Variants in NEGR1 observed in about 807,000 individuals in gnomAD.
NEGR1 encodes IgLON family member 4.
Under a neutral mutation model 40.9 loss-of-function variants are expected in NEGR1, and 10 were observed. The observed-to-expected ratio is 0.24, with a 90% CI of 0.15 to 0.42. The LOEUF is 0.42. Ranked by LOEUF, NEGR1 falls within the 10% of genes least tolerant of loss-of-function variation. NEGR1 has a pLI of 1.00. For synonymous variants in NEGR1, 185 were observed against 166.8 expected (o/e 1.11, Z -0.84); for missense variants, 352 against 438.9 (o/e 0.80, Z 1.77).
intron 1 of NEGR1, among the ~76,000 whole-genome samples, chr1:71,988,071 G>C (rs1646414728): frequency 6.6e-6 from 1 of 152,206 alleles, no homozygotes; most frequent in African/African-American, 2.4e-5. Context: ...AGGTCCCCTG[G>C]CTCTTGTGGC....
intron 1 of NEGR1, among the ~76,000 whole-genome samples, chr1:72,035,911 C>T (rs1646897722): frequency 6.6e-6 from 1 of 152,088 alleles, no homozygotes; most frequent in Admixed American, 6.5e-5. Context: ...TTCATATTTC[C>T]CCTTTCAGTT....
At chr1:71,534,659 C>T (rs1284202119) in intron 6 of NEGR1, among the ~76,000 whole-genome samples, 1 of 151,638 alleles carries the variant, frequency 6.6e-6, no homozygotes, top group Non-Finnish European at 1.5e-5. Flanking sequence ...TATTAGACTA[C>T]TTAACGATGT....
chr1:71,814,942 T>C (rs183504343), intron 2 of NEGR1, among the ~76,000 whole-genome samples: 1 of 152,260 alleles, frequency 6.6e-6, no homozygotes, highest in African/African-American at 2.4e-5. Context: ...TCTTGTCTTC[T>C]GCTAGCTTTG....
At chr1:72,234,814 G>A (rs1654495312) in intron 1 of NEGR1, among the ~76,000 whole-genome samples, 1 of 152,094 alleles carries the variant, frequency 6.6e-6, no homozygotes, top group African/African-American at 2.4e-5. Context: ...ATAGAAAAAG[G>A]AAAACTTATA....
chr1:72,168,740 T>TA (rs777637337), intron 1 of NEGR1, among the ~76,000 whole-genome samples: 19 of 151,832 alleles, frequency 1.3e-4, no homozygotes, highest in Non-Finnish European at 2.1e-4. Flanking sequence ...AATTAAAAAA[T>TA]AAAAAATTAA....
At chr1:71,663,206 C>T (rs1195755362) in intron 4 of NEGR1, among the ~76,000 whole-genome samples, 1 of 152,116 alleles carries the variant, frequency 6.6e-6, no homozygotes, top group African/African-American at 2.4e-5. Flanking sequence ...AGCTGCCTGC[C>T]TCGGCCTCCC....
At chr1:72,087,293 A>G (rs1648260152) in intron 1 of NEGR1, among the ~76,000 whole-genome samples, 1 of 151,972 alleles carries the variant, frequency 6.6e-6, no homozygotes, top group South Asian at 2.1e-4. Flanking sequence ...TAGCCAGGCA[A>G]GGTGGCGCGG....
chr1:71,798,932 A>G (rs1273267059), intron 2 of NEGR1, among the ~76,000 whole-genome samples: 1 of 152,194 alleles, frequency 6.6e-6, no homozygotes, highest in Admixed American at 6.5e-5. Flanking sequence ...AAGGTACTAT[A>G]TTAAGACAGT....
chr1:71,756,394 C>CAAAAAAAAAAAAAAAAAAA (rs1293104436), intron 3 of NEGR1, among the ~76,000 whole-genome samples: 1 of 58,624 alleles, frequency 1.7e-5, no homozygotes, highest in Non-Finnish European at 3.3e-5. Flanking sequence ...CTCAAAAAAA[C>CAAAAAAAAAAAAAAAAAAA]AAAAAACAAA....
At chr1:72,082,319 G>A (rs947903328) in intron 1 of NEGR1, among the ~76,000 whole-genome samples, 14 of 152,068 alleles carry the variant, frequency 9.2e-5, no homozygotes, top group Non-Finnish European at 1.9e-4. Context: ...TGATTCTTAA[G>A]AAGATGACAG....
At chr1:72,015,430 T>G in intron 1 of NEGR1, among the ~76,000 whole-genome samples, 1 of 152,258 alleles carries the variant, frequency 6.6e-6, no homozygotes, top group East Asian at 1.9e-4. Flanking sequence ...TCAACTAAAA[T>G]TATTGTGGAG....
At chr1:71,899,287 T>G (rs1263268434) in intron 2 of NEGR1, among the ~76,000 whole-genome samples, 1 of 151,838 alleles carries the variant, frequency 6.6e-6, no homozygotes, top group Non-Finnish European at 1.5e-5. Flanking sequence ...GGGTTTATGG[T>G]TAGAGTGGCA....
At chr1:72,178,746 G>A (rs1264165293) in intron 1 of NEGR1, among the ~76,000 whole-genome samples, 1 of 151,074 alleles carries the variant, frequency 6.6e-6, no homozygotes, top group Non-Finnish European at 1.5e-5. Context: ...TAGCCTTTCT[G>A]ACTGGTGTGA....
intron 6 of NEGR1, among the ~76,000 whole-genome samples, chr1:71,490,185 A>T (rs1646917287): frequency 6.6e-6 from 1 of 151,950 alleles, no homozygotes; most frequent in Non-Finnish European, 1.5e-5. Flanking sequence ...GCGGGATTGT[A>T]TTCTTTTTGC....
At chr1:71,698,246 A>G (rs1307695073) in intron 3 of NEGR1, 107 bp from the exon 4 acceptor site, 2 of 933,322 alleles carry the variant, frequency 2.1e-6, no homozygotes, top group Non-Finnish European at 3.2e-6. Context: ...AAACAATTCC[A>G]AATGAAACTG....
chr1:71,918,559 A>G (rs534957337), intron 2 of NEGR1, among the ~76,000 whole-genome samples: 1 of 152,204 alleles, frequency 6.6e-6, no homozygotes, highest in Non-Finnish European at 1.5e-5. Flanking sequence ...GCAGACTTAA[A>G]GTAACTATTC....
At chr1:71,659,899 T>C (rs1269155770) in intron 4 of NEGR1, among the ~76,000 whole-genome samples, 1 of 152,072 alleles carries the variant, frequency 6.6e-6, no homozygotes, top group African/African-American at 2.4e-5. Flanking sequence ...AGTTCAACCA[T>C]TGTGGAAAGC....
intron 6 of NEGR1, among the ~76,000 whole-genome samples, chr1:71,565,530 T>A (rs1191537532): frequency 6.6e-5 from 10 of 152,118 alleles, no homozygotes. Context: ...CATTTCCTCA[T>A]CAAGAACTCA....
intron 1 of NEGR1, among the ~76,000 whole-genome samples, chr1:72,082,649 T>C (rs1648050524): frequency 6.6e-6 from 1 of 150,612 alleles, no homozygotes; most frequent in Non-Finnish European, 1.5e-5. Flanking sequence ...CTACCATACA[T>C]GACAAAATTT....
Sources: allele counts gnomAD v4.1 joint callset (sites outside exome capture counted in the v4.1 genomes callset), GRCh38; gene constraint gnomAD v4.1.1; transcripts MANE v1.5; gene names NCBI Gene and HGNC (gene_info 2026-07-23, HGNC 2026-07-21).